CDS1: variants seen among roughly 807,000 people sequenced by gnomAD.
CDS1 encodes phosphatidate cytidylyltransferase 1.
CDS1 carries 41 observed loss-of-function variants against 62.1 expected under a neutral mutation model. The observed-to-expected ratio is 0.66, with a 90% CI of 0.51 to 0.86. CDS1 has a LOEUF of 0.86. Ranked by LOEUF, CDS1 falls within the 40% of genes least tolerant of loss-of-function variation. The probability of loss-of-function intolerance (pLI) is 0.00; values close to 1 mark genes in which losing one functional copy is unlikely to be tolerated. For missense variants in CDS1, 470 were observed against 550.1 expected (o/e 0.85, Z 1.46); for synonymous variants, 185 against 192.6 (o/e 0.96, Z 0.32).
At chr4:84,589,996 A>G (rs992079905) in intron 1 of CDS1, among the ~76,000 whole-genome samples, 6 of 152,110 alleles carry the variant, frequency 3.9e-5, no homozygotes, top group Non-Finnish European at 8.8e-5. Flanking sequence ...TATTTTTAGT[A>G]GAGACGGGGT....
intron 1 of CDS1, among the ~76,000 whole-genome samples, chr4:84,603,152 G>T (rs868102992): frequency 5.9e-5 from 9 of 152,298 alleles, no homozygotes; most frequent in African/African-American, 2.2e-4. Context: ...GTTCGAAGGG[G>T]TGATGACATT....
Position 84,583,449 on chromosome 4 carries a change from G to A in CDS1, c.48G>A (p.Ala16=), listed in dbSNP as rs780521721. The change falls in exon 1 of 13, where the codon GCG becomes GCA. Residue 16 remains alanine (A), a synonymous_variant. Coordinates refer to ENST00000295887, the MANE Select transcript of CDS1 (RefSeq NM_001263.4). ...HRGSCPGPRE[A]VSPPHREGEA... The stretch of plus-strand genomic sequence containing the variant: ...GAAGCTGCCCCGGCCCCAGGGAAGC[G>A]GTGTCGCCGCCACACCGCGAGGGAG... 1.9e-6 allele frequency: 3 copies of A among 1,588,204 alleles called. No individual in the cohort carries two copies. Among genetic ancestry groups the A allele is most frequent in the South Asian group, 2.3e-5 (2 of 88,286 alleles).
intron 2 of CDS1, among the ~76,000 whole-genome samples, chr4:84,606,304 CAG>C (rs963971879): frequency 5.1e-5 from 3 of 58,716 alleles, no homozygotes; most frequent in African/African-American, 1.0e-4. Flanking sequence ...TTTTCTTGTG[CAG>C]TGTGTGTGTG....
intron 12 of CDS1, among the ~76,000 whole-genome samples, chr4:84,648,032 T>C (rs1156944809): frequency 1.3e-5 from 2 of 152,188 alleles, no homozygotes; most frequent in East Asian, 3.9e-4. Flanking sequence ...GTATCACTGG[T>C]AAGGGGCTTC....
chr4:84,630,170 A>C (rs539190008), intron 5 of CDS1, among the ~76,000 whole-genome samples: 1 of 152,334 alleles, frequency 6.6e-6, no homozygotes, highest in Admixed American at 6.5e-5. Flanking sequence ...AGAAAAACTC[A>C]AAAGCAGGAA....
chr4:84,593,939 C>T (rs991251121), intron 1 of CDS1, among the ~76,000 whole-genome samples: 1 of 152,124 alleles, frequency 6.6e-6, no homozygotes, highest in South Asian at 2.1e-4. Context: ...GGTGAGGCAG[C>T]GAGTCTGAAA....
At chr4:84,611,600 T>C (rs552785467) in intron 3 of CDS1, among the ~76,000 whole-genome samples, 7 of 152,326 alleles carry the variant, frequency 4.6e-5, no homozygotes, top group African/African-American at 1.7e-4. Context: ...TATAAGCACC[T>C]CAAAGCCTCT....
chr4:84,629,518 C>T (rs1277591487), intron 5 of CDS1, among the ~76,000 whole-genome samples: 1 of 152,146 alleles, frequency 6.6e-6, no homozygotes, highest in Non-Finnish European at 1.5e-5. Context: ...TTAAGATACA[C>T]AGGAGGATGT....
intron 11 of CDS1, among the ~76,000 whole-genome samples, 189 bp downstream of exon 11, chr4:84,643,332 C>T (rs1212691467): frequency 6.6e-6 from 1 of 152,170 alleles, no homozygotes; most frequent in Non-Finnish European, 1.5e-5. Flanking sequence ...GTTTGTCATA[C>T]CATGTTAATA....
At chr4:84,596,711 G>T (rs181072254) in intron 1 of CDS1, among the ~76,000 whole-genome samples, 1 of 152,166 alleles carries the variant, frequency 6.6e-6, no homozygotes, top group East Asian at 1.9e-4. Context: ...ATATCTTGGT[G>T]GGGGGAGTGG....
chr4:84,596,906 A>T (rs1018618848), intron 1 of CDS1, among the ~76,000 whole-genome samples: 1 of 152,182 alleles, frequency 6.6e-6, no homozygotes, highest in Non-Finnish European at 1.5e-5. Context: ...GACTCTTCAC[A>T]CTGTGGGGAG....
At chr4:84,610,547 C>CT (rs537858512) in intron 3 of CDS1, among the ~76,000 whole-genome samples, 107 of 152,274 alleles carry the variant, frequency 7.0e-4, no homozygotes, top group Non-Finnish European at 1.4e-3. Flanking sequence ...TACGTTAGTT[C>CT]TAGGGATGAT....
chr4:84,586,790 A>G (rs1378979037), intron 1 of CDS1, among the ~76,000 whole-genome samples: 2 of 152,218 alleles, frequency 1.3e-5, no homozygotes, highest in Non-Finnish European at 2.9e-5. Context: ...GGTTGAGGAA[A>G]TTGAGAGGTG....
At chr4:84,642,506 A>C (rs919322048) in intron 10 of CDS1, among the ~76,000 whole-genome samples, 2 of 152,200 alleles carry the variant, frequency 1.3e-5, no homozygotes, top group Non-Finnish European at 2.9e-5. Context: ...CCAAATCTTT[A>C]GTGATTGTCT....
chr4:84,647,262 A>G (rs1006868348), intron 12 of CDS1, among the ~76,000 whole-genome samples: 4 of 151,910 alleles, frequency 2.6e-5, no homozygotes, highest in Admixed American at 2.0e-4. Flanking sequence ...ACTTATTTGC[A>G]TATTATTTAT....
intron 5 of CDS1, among the ~76,000 whole-genome samples, chr4:84,619,989 G>A (rs1287357426): frequency 9.3e-5 from 13 of 139,770 alleles, no homozygotes; most frequent in African/African-American, 2.4e-4. Flanking sequence ...CTGAGATCAC[G>A]CCATTGCACT....
intron 1 of CDS1, among the ~76,000 whole-genome samples, chr4:84,594,690 A>C (rs375118665): frequency 6.6e-6 from 1 of 152,168 alleles, no homozygotes; most frequent in Non-Finnish European, 1.5e-5. Context: ...TACAATGATC[A>C]TCAGCATACC....
chr4:84,628,052 A>G (rs1170855683), intron 5 of CDS1, among the ~76,000 whole-genome samples: 1 of 152,188 alleles, frequency 6.6e-6, no homozygotes, highest in Non-Finnish European at 1.5e-5. Flanking sequence ...CAACTCAGTT[A>G]TAGCCTGGTG....
At chr4:84,592,517 A>T (rs557624431) in intron 1 of CDS1, among the ~76,000 whole-genome samples, 3 of 152,130 alleles carry the variant, frequency 2.0e-5, no homozygotes, top group African/African-American at 4.8e-5. Flanking sequence ...CAAGTTTATT[A>T]TGTAAGTATT....
Sources: gnomAD v4.1 joint callset for allele counts (sites outside exome capture counted in the v4.1 genomes callset) on GRCh38, gnomAD v4.1.1 for gene constraint, MANE v1.5 for transcripts, NCBI Gene and HGNC (gene_info 2026-07-23, HGNC 2026-07-21) for gene names.